The following OSBPL7 variants were observed in gnomAD, a reference collection of about 807,000 sequenced individuals.
The protein encoded by OSBPL7 is oxysterol-binding protein-related protein 7.
In OSBPL7, 66 loss-of-function variants were observed where a neutral mutation model predicts 115.8. The ratio of observed to expected loss-of-function variants is 0.57; its 90% CI spans 0.47 to 0.70. OSBPL7 has a LOEUF of 0.70. OSBPL7 is among the 30% of genes least tolerant of loss of function. OSBPL7 has a pLI of 0.00. For synonymous variants in OSBPL7, 441 were observed against 439.2 expected (o/e 1.00, Z -0.05); for missense variants, 902 against 1,125.5 (o/e 0.80, Z 2.84).
At chr17:47,810,570 C>A in intron 18 of OSBPL7, 24 bp downstream of exon 18, 1 of 1,603,694 alleles carries the variant, frequency 6.2e-7, no homozygotes, top group Non-Finnish European at 8.5e-7. Flanking sequence ...CTTGGCCTGG[C>A]TGCTGAGAGT....
At chr17:47,810,078 A>G (rs1326347283) in intron 18 of OSBPL7, among the ~76,000 whole-genome samples, 5 of 151,992 alleles carry the variant, frequency 3.3e-5, no homozygotes, top group African/African-American at 7.2e-5. Flanking sequence ...GCTAATTTGC[A>G]TCACTATTGA....
chr17:47,809,225 G>A lies in OSBPL7; in HGVS notation c.2026-5C>T, dbSNP rs2032956231. On this transcript the variant is annotated splice_polypyrimidine_tract_variant and splice_region_variant and intron_variant, in intron 19 of 22. Coordinates refer to ENST00000007414, the MANE Select transcript of OSBPL7 (RefSeq NM_145798.3). ...ATTGGAACTCCAGTACTTGGCCTGG[G>A]GTGGGGAAGGCAGGGTTTAGGGAGG... 3.1e-6 allele frequency: 5 copies of A among 1,613,960 alleles called. No homozygotes were observed. The highest frequency in any genetic ancestry group is 1.3e-5 in the African/African-American group (1 of 74,924).
chr17:47,820,321 G>T lies in OSBPL7; in HGVS notation c.-43C>A. 2 of 1,590,438 alleles carry T rather than the reference G, an allele frequency of 1.3e-6. No homozygotes were observed. Among genetic ancestry groups the T allele is most frequent in the South Asian group, 1.1e-5 (1 of 88,474 alleles). On this transcript the variant is annotated 5_prime_UTR_variant, in exon 2 of 23. Transcript: ENST00000007414. ...CTCCCTGCTGGGGATGTAGAGCAGGGAGCAGGGTGGAAGGGGAAGGATGTC... is the reference window on the plus strand; with the variant it reads ...CTCCCTGCTGGGGATGTAGAGCAGGTAGCAGGGTGGAAGGGGAAGGATGTC...
chr17:47,814,301 G>A (rs1477124193), intron 14 of OSBPL7, among the ~76,000 whole-genome samples: 2 of 152,154 alleles, frequency 1.3e-5, no homozygotes, highest in African/African-American at 4.8e-5. Context: ...CTGCAACAGA[G>A]GCCAGCCCCA....
At position 47,809,334 on chromosome 17, in the gene OSBPL7, C is replaced by CT; in HGVS notation, c.2024dup (p.Ala676GlyfsTer56). 6.2e-7 allele frequency: 1 copy of CT among 1,613,952 alleles called. No individual in the cohort carries two copies. Among genetic ancestry groups the CT allele is most frequent in the Non-Finnish European group, 8.5e-7 (1 of 1,179,852 alleles). ...GGCAGGGTCAGGGTGGCACACACAC[C>CT]TTGCAGAAGGTGATCTTGCAGTGGC... is the stretch of plus-strand genomic sequence containing the variant. On this transcript the variant is annotated frameshift_variant and splice_region_variant, in exon 19 of 23. Coordinates refer to ENST00000007414, the MANE Select transcript of OSBPL7 (RefSeq NM_145798.3). LOFTEE classifies it high-confidence loss of function.
rs1412155719 is a variant in OSBPL7 at position 47,810,396 on chromosome 17, G to A, written c.1880+198C>T. Among the ~76,000 whole-genome samples the A allele has an allele frequency of 1.1e-4, 17 of 152,144 alleles. 1 individual carries two copies. Among genetic ancestry groups the A allele is most frequent in the Admixed American group, 1.0e-3 (16 of 15,274 alleles). Reference sequence around the variant, plus strand: ...CGATGGGCCCTTCCAGCTCTACTACGTTCCAAGGCTTTTCATCTTTCTCTA... The same window carrying A: ...CGATGGGCCCTTCCAGCTCTACTACATTCCAAGGCTTTTCATCTTTCTCTA... On this transcript the variant is annotated intron_variant, in intron 18 of 22. Coordinates refer to ENST00000007414, the MANE Select transcript of OSBPL7 (RefSeq NM_145798.3).
Position 47,813,848 on chromosome 17 carries a change from G to A in OSBPL7, c.1352-14C>T, listed in dbSNP as rs769692219. On this transcript the variant is annotated splice_polypyrimidine_tract_variant and intron_variant, in intron 14 of 22. Transcript: ENST00000007414. ...GAACACACCCCCCTGGGGCCGCCCT[G>A]CCATGTCACTCTCCATCTGGGCACC... 1.3e-6 allele frequency: 2 copies of A among 1,597,528 alleles called. No homozygotes were observed. The highest frequency in any genetic ancestry group is 1.7e-6 in the Non-Finnish European group (2 of 1,174,958).
chr17:47,815,833 A>C (rs568841394), intron 12 of OSBPL7: 4 of 392,258 alleles, frequency 1.0e-5, no homozygotes, highest in East Asian at 9.6e-5. Flanking sequence ...GCCTGAGCCC[A>C]CCCATTAGAT....
intron 1 of OSBPL7, chr17:47,820,964 CT>C: frequency 6.6e-6 from 1 of 152,410 alleles, no homozygotes; most frequent in Non-Finnish European, 1.5e-5. Context: ...CTAGGATGCC[CT>C]TTTTGGACCC....
Position 47,818,488 on chromosome 17 carries a change from C to T in OSBPL7, c.480+18G>A. The T allele has an allele frequency of 6.3e-7, 1 of 1,589,954 alleles. No homozygotes were observed. On this transcript the variant is annotated intron_variant, in intron 6 of 22. Transcript: ENST00000007414. ...TGAATTGCCACATTACCTGCCCCCA[C>T]CCCAGGGTCCACCTTACCTTCCGGT...
Position 47,814,549 on chromosome 17 carries a change from G to T in OSBPL7, c.1323C>A (p.Asp441Glu), listed in dbSNP as rs749355050. 6.2e-7 allele frequency: 1 copy of T among 1,613,904 alleles called. No homozygotes were observed. Among genetic ancestry groups the T allele is most frequent in the Admixed American group, 1.7e-5 (1 of 60,004 alleles). Residue 441 changes from aspartate to glutamate, a missense_variant, in exon 14 of 23, where the codon GAC becomes GAA. Transcript: ENST00000007414. ...ITTSLSEEML[D>E]LRGAERCQKG... is the part of the protein sequence containing the mutation. ...TCTGACAGCGCTCAGCTCCCCTGAG[G>T]TCCAGCATCTCCTCAGACAGGCTGG...
chr17:47,813,070 C>T lies in OSBPL7; in HGVS notation c.1737+196G>A, dbSNP rs538301685. Among the ~76,000 whole-genome samples the T allele has an allele frequency of 2.0e-5, 3 of 152,318 alleles. No homozygotes were observed. The South Asian group carries it at 6.2e-4, about 32-fold the overall frequency. ...CCAAGATTGCCCCCTAAAGCGTGAGCCCCCAGGTGGAACTCCTGGGATCCA... is the reference window on the plus strand; with the variant it reads ...CCAAGATTGCCCCCTAAAGCGTGAGTCCCCAGGTGGAACTCCTGGGATCCA... On this transcript the variant is annotated intron_variant, in intron 16 of 22. Transcript: ENST00000007414.
At chr17:47,818,954 C>T (rs1416491266) in intron 5 of OSBPL7, 32 bp downstream of exon 5, 1 of 1,576,098 alleles carries the variant, frequency 6.3e-7, no homozygotes, top group East Asian at 2.2e-5. Context: ...AGGTTGGGGG[C>T]CAACACACGT....
Position 47,808,171 on chromosome 17 carries a change from G to A in OSBPL7, c.*120C>T. 1 of 741,716 alleles carries A rather than the reference G, an allele frequency of 1.3e-6. No homozygotes were observed. The highest frequency in any genetic ancestry group is 2.2e-6 in the Non-Finnish European group (1 of 445,802). 45.9% of individuals were successfully genotyped at this position (741,716 alleles called of 1,614,324 possible). On this transcript the variant is annotated 3_prime_UTR_variant, in exon 23 of 23. Transcript: ENST00000007414. The surrounding 1 kb of genome is among the most constrained non-coding windows in gnomAD (Gnocchi z 6.1). ...GCCAGCAGAGGGGAGGGAGGGCCAG[G>A]GCTGCCCCTTTGGTCTCAAGGGCAG...
chr17:47,811,407 A>G (rs1473375459), intron 16 of OSBPL7, among the ~76,000 whole-genome samples: 1 of 150,012 alleles, frequency 6.7e-6, no homozygotes, highest in Non-Finnish European at 1.5e-5. Flanking sequence ...CTGCCCTCCC[A>G]TGGTCTGCCA....
At chr17:47,814,366 A>G (rs1357024717) in intron 14 of OSBPL7, among the ~76,000 whole-genome samples, 155 bp downstream of exon 14, 1 of 152,208 alleles carries the variant, frequency 6.6e-6, no homozygotes, top group Non-Finnish European at 1.5e-5. Flanking sequence ...TTCCCAGTTC[A>G]TGACCTGGCC....
rs2033107230 is a variant in OSBPL7, at chr17:47,813,425, C to T, written c.1600-22G>A. 2.5e-6 allele frequency: 4 copies of T among 1,613,476 alleles called. No individual in the cohort carries two copies. In the East Asian group the frequency reaches 8.9e-5, roughly 36 times the overall value. ...ACACCTGTGGGGGGCAAGGAAGGTG[C>T]AGGGTACTGAGGACGGGGCCGCCAC... On this transcript the variant is annotated intron_variant, in intron 15 of 22. Coordinates refer to ENST00000007414, the MANE Select transcript of OSBPL7 (RefSeq NM_145798.3).
In OSBPL7 at chr17:47,808,039, A is replaced by G; in HGVS notation, c.*252T>C. On this transcript the variant is annotated 3_prime_UTR_variant, in exon 23 of 23. Transcript: ENST00000007414. The surrounding 1 kb of genome is among the most constrained non-coding windows in gnomAD (Gnocchi z 6.1). ...CAGGAATCGGAATGGTGAAGCGGGAAGGGTCTTACATGCTGGTTGTCTGGG... is the reference window on the plus strand; with the variant it reads ...CAGGAATCGGAATGGTGAAGCGGGAGGGGTCTTACATGCTGGTTGTCTGGG... 1 of 530,072 alleles carries G rather than the reference A, an allele frequency of 1.9e-6. No individual in the cohort carries two copies. The highest frequency in any genetic ancestry group is 3.4e-6 in the Non-Finnish European group (1 of 293,092). The allele number at this position is 530,072 out of a possible 1,614,324, so 32.8% of individuals were successfully genotyped here.
Position 47,816,030 on chromosome 17 carries a change from A to G in OSBPL7, c.1119+77T>C. 1.5e-6 allele frequency: 2 copies of G among 1,342,344 alleles called. No individual in the cohort carries two copies. Among genetic ancestry groups the G allele is most frequent in the Non-Finnish European group, 2.0e-6 (2 of 995,354 alleles). 83.2% of individuals were successfully genotyped at this position (1,342,344 alleles called of 1,614,324 possible). A position where few individuals can be genotyped will look rare whatever the true frequency, so the allele number is the denominator to read the frequency against. ...TTGGGACTAAAAACCAACTTTGCCC[A>G]CTGCCCTGGGCCTTGGCTTTCGCTG... is the stretch of plus-strand genomic sequence containing the variant. On this transcript the variant is annotated intron_variant, in intron 12 of 22. Transcript: ENST00000007414. This position sits in a 1 kb window ranked among gnomAD's most constrained non-coding sequence, Gnocchi z 5.8.
Sources: allele counts gnomAD v4.1 joint callset (sites outside exome capture counted in the v4.1 genomes callset), GRCh38; gene constraint gnomAD v4.1.1; non-coding constraint Gnocchi (gnomAD v3.1); transcripts MANE v1.5; gene names NCBI Gene and HGNC (gene_info 2026-07-23, HGNC 2026-07-21).